Variants in KLF7 observed in about 807,000 individuals in gnomAD.
KLF7 encodes Krueppel-like factor 7.
Under a neutral mutation model 27.3 loss-of-function variants are expected in KLF7, and 2 were observed. That is an observed-to-expected ratio of 0.07 (90% CI 0.03 to 0.23). The LOEUF (loss-of-function observed/expected upper bound fraction) is 0.23, where lower values mean the gene tolerates loss of function less well. KLF7 is among the 10% of genes least tolerant of loss of function. The pLI, the probability that KLF7 is intolerant of heterozygous loss-of-function variation, is 1.00. For synonymous variants in KLF7, 165 were observed against 162.4 expected (o/e 1.02, Z -0.12); for missense variants, 221 against 394.1 (o/e 0.56, Z 3.72).
intron 1 of KLF7, among the ~76,000 whole-genome samples, chr2:207,142,869 A>G (rs865792551): frequency 1.3e-5 from 2 of 152,150 alleles, no homozygotes; most frequent in African/African-American, 4.8e-5. Flanking sequence ...TGACAATTAC[A>G]TTGGTGGTTT....
At chr2:207,122,194 T>C (rs535602344) in intron 2 of KLF7, 2 of 152,184 alleles carry the variant, frequency 1.3e-5, no homozygotes, top group African/African-American at 4.8e-5. Flanking sequence ...CCTTGGTGTG[T>C]GTATGTGGAG....
intron 1 of KLF7, among the ~76,000 whole-genome samples, chr2:207,154,892 G>A (rs1240698192): frequency 6.6e-6 from 1 of 152,172 alleles, no homozygotes; most frequent in Non-Finnish European, 1.5e-5. Flanking sequence ...GCCTCGCACA[G>A]TCCAGTCCTT....
chr2:207,084,470 T>A (rs1414833530), intron 3 of KLF7, among the ~76,000 whole-genome samples: 2 of 152,132 alleles, frequency 1.3e-5, no homozygotes, highest in East Asian at 3.9e-4. Context: ...ACCAAACCTT[T>A]AACATGGTAG....
intron 2 of KLF7, among the ~76,000 whole-genome samples, chr2:207,102,172 C>T (rs527485079): frequency 2.6e-5 from 4 of 151,628 alleles, no homozygotes; most frequent in South Asian, 4.2e-4. Context: ...TGCCCTCCCC[C>T]CCAATCTGCA....
intron 2 of KLF7, among the ~76,000 whole-genome samples, chr2:207,106,644 C>A (rs963357131): frequency 9.2e-5 from 14 of 152,178 alleles, no homozygotes; most frequent in Non-Finnish European, 2.1e-4. Flanking sequence ...GTGAATCATA[C>A]ATGCTCTGGG....
intron 1 of KLF7, among the ~76,000 whole-genome samples, chr2:207,128,609 T>A (rs970672808): frequency 6.6e-6 from 1 of 152,206 alleles, no homozygotes; most frequent in Non-Finnish European, 1.5e-5. Context: ...AGAAACCACC[T>A]TAGCCATATG....
the KLF7 span, among the ~76,000 whole-genome samples, chr2:207,173,146 A>G: frequency 1.3e-5 from 2 of 152,280 alleles, no homozygotes; most frequent in Non-Finnish European, 2.9e-5. Flanking sequence ...GAGAACATGT[A>G]TGTGGCCACT....
At position 207,117,819 on chromosome 2, in the gene KLF7, G is replaced by A. The variant is rs567448827; in HGVS notation, c.733+5955C>T. 1.1e-3 allele frequency among the ~76,000 whole-genome samples: 172 copies of A among 152,270 alleles called. 8 individuals carry two copies. The highest frequency in any genetic ancestry group is 5.4e-4 in the Non-Finnish European group (37 of 68,026). ...ACACTCTGTCCAGAAGGAGAGAAGC[G>A]ACTTGTTATCTCCAAATCTTCCATG... On this transcript the variant is annotated intron_variant, in intron 2 of 3. Transcript: ENST00000309446.
Position 207,144,434 on chromosome 2 carries a change from A to G in KLF7, c.103-20030T>C, listed in dbSNP as rs182213175. ...AACACTTATACATTTTTTCACCAGA[A>G]CGAAATAATAGCTCTACTTCATGAA... On this transcript the variant is annotated intron_variant, in intron 1 of 3. Coordinates refer to ENST00000309446, the MANE Select transcript of KLF7 (RefSeq NM_003709.4). Among the ~76,000 whole-genome samples the G allele has an allele frequency of 9.7e-4, 147 of 152,276 alleles. 1 individual carries two copies. Among genetic ancestry groups the G allele is most frequent in the Admixed American group, 9.5e-3 (145 of 15,296 alleles).
upstream of KLF7, chr2:207,166,345 T>G: frequency 4.3e-6 from 1 of 233,822 alleles, no homozygotes; most frequent in Non-Finnish European, 7.0e-6. Flanking sequence ...GAGCTATTTT[T>G]AGAGGGCTAT....
At chr2:207,124,477 G>A in intron 1 of KLF7, 73 bp from the exon 2 acceptor site, 5 of 1,409,994 alleles carry the variant, frequency 3.5e-6, no homozygotes, top group Non-Finnish European at 4.8e-6. Flanking sequence ...ACGTTGACAG[G>A]CAGAGGGGGA....
At chr2:207,132,755 G>C (rs375702144) in intron 1 of KLF7, among the ~76,000 whole-genome samples, 83 of 152,342 alleles carry the variant, frequency 5.4e-4, no homozygotes, top group African/African-American at 1.9e-3. Context: ...GGCAGAGCTG[G>C]TAGCTATGGC....
At chr2:207,155,434 A>G (rs1454857918) in intron 1 of KLF7, among the ~76,000 whole-genome samples, 3 of 152,184 alleles carry the variant, frequency 2.0e-5, no homozygotes, top group African/African-American at 7.2e-5. Flanking sequence ...CCTGAATGGG[A>G]AATTCTGTAA....
intron 2 of KLF7, among the ~76,000 whole-genome samples, chr2:207,099,561 T>TATATATATCTCTTTTC (rs1415993236): frequency 7.7e-6 from 1 of 129,450 alleles, no homozygotes; most frequent in Non-Finnish European, 1.7e-5. Flanking sequence ...GATATATATA[T>TATATATATCTCTTTTC]ATATATATAT....
Position 207,124,384 on chromosome 2 carries a change from G to C in KLF7, c.123C>G (p.Arg41=). ...TCCTCCGGGGCTCCGTCTGTAGGTA[G>C]CGTTCCAATTCAAGGCATGTCTGCA... ...TWQQTCLELE[R]YLQTEPRRIS... The change falls in exon 2 of 4, where the codon CGC becomes CGG. Residue 41 remains arginine, a synonymous_variant. Coordinates refer to ENST00000309446, the MANE Select transcript of KLF7 (RefSeq NM_003709.4). The C allele has an allele frequency of 6.4e-7, 1 of 1,566,590 alleles. No homozygotes were observed. The highest frequency in any genetic ancestry group is 8.7e-7 in the Non-Finnish European group (1 of 1,152,340).
At chr2:207,134,545 A>G (rs1379508899) in intron 1 of KLF7, among the ~76,000 whole-genome samples, 1 of 152,172 alleles carries the variant, frequency 6.6e-6, no homozygotes, top group Non-Finnish European at 1.5e-5. Context: ...TGGCAGCCAA[A>G]ACCATAATGA....
At chr2:207,085,229 C>T (rs1346466161) in intron 3 of KLF7, among the ~76,000 whole-genome samples, 1 of 136,084 alleles carries the variant, frequency 7.3e-6, no homozygotes, top group Non-Finnish European at 1.5e-5. Context: ...AAGTCAACAG[C>T]AATCTCCTAG....
chr2:207,167,001 G>A, upstream of KLF7: 1 of 848,360 alleles, frequency 1.2e-6, no homozygotes, highest in Non-Finnish European at 1.6e-6. Flanking sequence ...GACCTGGTCG[G>A]GAGTCCGGCG....
intron 3 of KLF7, among the ~76,000 whole-genome samples, chr2:207,087,416 A>T (rs2076415159): frequency 1.3e-5 from 2 of 152,070 alleles, no homozygotes; most frequent in African/African-American, 4.8e-5. Context: ...TTCACCAAAC[A>T]CTACTACAGA....
Sources: allele counts gnomAD v4.1 joint callset (sites outside exome capture counted in the v4.1 genomes callset), GRCh38; gene constraint gnomAD v4.1.1; transcripts MANE v1.5; gene names NCBI Gene and HGNC (gene_info 2026-07-23, HGNC 2026-07-21).